Variants in SEMA6D observed in about 807,000 individuals in gnomAD.
SEMA6D encodes semaphorin 6D.
A neutral mutation model predicts 106.6 loss-of-function variants in SEMA6D; 35 were observed. That is an observed-to-expected ratio of 0.33 (90% CI 0.25 to 0.44). SEMA6D has a LOEUF of 0.44. Ranked by LOEUF, SEMA6D falls within the 20% of genes least tolerant of loss-of-function variation. The pLI, the probability that SEMA6D is intolerant of heterozygous loss-of-function variation, is 1.00. For synonymous variants in SEMA6D, 499 were observed against 487.7 expected (o/e 1.02, Z -0.31); for missense variants, 1,185 against 1,345.9 (o/e 0.88, Z 1.87).
chr15:47,766,997 G>A (rs374842709), intron 16 of SEMA6D, 40 bp from the exon 17 acceptor site: 87 of 1,232,860 alleles, frequency 7.1e-5, no homozygotes, highest in Non-Finnish European at 9.1e-5. Context: ...CTTTCTTTTG[G>A]TTACTTTTCA....
At chr15:47,702,818 A>G (rs1224652) in intron 4 of SEMA6D, among the ~76,000 whole-genome samples, 15,921 of 152,232 alleles carry the variant, frequency 0.1, 1,001 homozygotes, top group African/African-American at 0.15. Flanking sequence ...AGGCAAAACC[A>G]GGGACACAGT....
chr15:47,456,672 G>A (rs535598068), intron 2 of SEMA6D, among the ~76,000 whole-genome samples: 1 of 151,980 alleles, frequency 6.6e-6, no homozygotes, highest in South Asian at 2.1e-4. Context: ...TTTAGGATAC[G>A]CAATAGGCAG....
chr15:47,723,306 C>T (rs1249584246), intron 1 of SEMA6D, among the ~76,000 whole-genome samples: 1 of 152,116 alleles, frequency 6.6e-6, no homozygotes, highest in African/African-American at 2.4e-5. Flanking sequence ...TATCTTCTCC[C>T]ACCATTTTTC....
At chr15:47,536,696 T>TA in intron 3 of SEMA6D, among the ~76,000 whole-genome samples, 1 of 152,184 alleles carries the variant, frequency 6.6e-6, no homozygotes, top group East Asian at 1.9e-4. Flanking sequence ...GAACAAAACA[T>TA]ACAATCAGCT....
intron 2 of SEMA6D, among the ~76,000 whole-genome samples, chr15:47,438,428 C>T (rs2041787723): frequency 6.6e-6 from 1 of 152,106 alleles, no homozygotes; most frequent in Non-Finnish European, 1.5e-5. Context: ...GATAGAGTTT[C>T]ACCTTGCACA....
chr15:47,406,905 T>C (rs1474177228), intron 1 of SEMA6D, among the ~76,000 whole-genome samples: 2 of 152,094 alleles, frequency 1.3e-5, no homozygotes, highest in African/African-American at 4.8e-5. Flanking sequence ...ACCCTAGATA[T>C]GTGTGCTACT....
chr15:47,674,118 A>T (rs1022967197), intron 4 of SEMA6D, among the ~76,000 whole-genome samples: 17 of 152,300 alleles, frequency 1.1e-4, no homozygotes, highest in African/African-American at 4.1e-4. Context: ...CTGGGACCCC[A>T]TCTCAGATCA....
At chr15:47,339,468 ATTC>A (rs905989185) in intron 1 of SEMA6D, among the ~76,000 whole-genome samples, 3 of 152,342 alleles carry the variant, frequency 2.0e-5, no homozygotes, top group Admixed American at 6.5e-5. Context: ...TCACAGCAGT[ATTC>A]TTCTGTGTTG....
chr15:47,250,806 A>G (rs1409594036), intron 1 of SEMA6D, among the ~76,000 whole-genome samples: 4 of 152,230 alleles, frequency 2.6e-5, no homozygotes. Flanking sequence ...GCCAAGTGCT[A>G]TTTGACACAG....
chr15:47,187,828 A>G (rs1893682344), intron 1 of SEMA6D, among the ~76,000 whole-genome samples: 1 of 152,116 alleles, frequency 6.6e-6, no homozygotes, highest in Non-Finnish European at 1.5e-5. Flanking sequence ...GGAGGGGTGA[A>G]GAGAGAAGAA....
At chr15:47,470,668 G>T (rs557018263) in intron 3 of SEMA6D, 1 of 152,080 alleles carries the variant, frequency 6.6e-6, no homozygotes, top group Admixed American at 6.5e-5. Flanking sequence ...CTTGATTTTT[G>T]CCTCAAATTG....
intron 1 of SEMA6D, among the ~76,000 whole-genome samples, chr15:47,295,345 G>A (rs140062276): frequency 1.3e-5 from 2 of 152,240 alleles, no homozygotes; most frequent in East Asian, 3.9e-4. Context: ...CAACTTCAGC[G>A]GGAGCCAGGA....
chr15:47,697,386 A>G (rs564937363), intron 4 of SEMA6D, among the ~76,000 whole-genome samples: 17 of 152,128 alleles, frequency 1.1e-4, no homozygotes, highest in African/African-American at 3.9e-4. Context: ...CTGAACTCCC[A>G]CAAGAACTTC....
At chr15:47,321,890 T>G (rs1027659087) in intron 1 of SEMA6D, among the ~76,000 whole-genome samples, 1 of 152,164 alleles carries the variant, frequency 6.6e-6, no homozygotes, top group African/African-American at 2.4e-5. Context: ...GAAAGCCCCT[T>G]CCTGATTGGA....
chr15:47,506,669 A>T (rs895270305), intron 3 of SEMA6D, among the ~76,000 whole-genome samples: 1 of 151,394 alleles, frequency 6.6e-6, no homozygotes, highest in Admixed American at 6.6e-5. Context: ...CCAGTGCCTC[A>T]TTTTATAAAT....
intron 1 of SEMA6D, among the ~76,000 whole-genome samples, chr15:47,378,769 T>G (rs2039538579): frequency 6.6e-6 from 1 of 152,232 alleles, no homozygotes. Context: ...GAGAACTCTA[T>G]TAGAATTAAA....
At chr15:47,637,820 T>A (rs1248141994) in intron 4 of SEMA6D, among the ~76,000 whole-genome samples, 1 of 152,202 alleles carries the variant, frequency 6.6e-6, no homozygotes, top group Non-Finnish European at 1.5e-5. Flanking sequence ...CATGCCACCC[T>A]TGGCAGTCCT....
intron 1 of SEMA6D, among the ~76,000 whole-genome samples, chr15:47,251,554 G>A (rs901760922): frequency 4.6e-5 from 7 of 152,010 alleles, no homozygotes; most frequent in African/African-American, 1.7e-4. Context: ...TCTCTGACTC[G>A]GTTAGTATAG....
At position 47,264,050 on chromosome 15, in the gene SEMA6D, A is replaced by G. The variant is rs560440846; in HGVS notation, c.-239+79632A>G. 2.6e-5 allele frequency among the ~76,000 whole-genome samples: 4 copies of G among 151,846 alleles called. No individual in the cohort carries two copies. The East Asian group carries it at 5.9e-4, about 22-fold the overall frequency. On this transcript the variant is annotated intron_variant, in intron 1 of 19. Coordinates refer to the SEMA6D transcript ENST00000558014. ...ACAAGGTCATGTCCTTTGCAGCAAC[A>G]TGGATGAAGCTGGAGACCATTATCC...
Sources: allele counts gnomAD v4.1 joint callset (sites outside exome capture counted in the v4.1 genomes callset), GRCh38; gene constraint gnomAD v4.1.1; transcripts MANE v1.5; gene names NCBI Gene and HGNC (gene_info 2026-07-23, HGNC 2026-07-21).